The following C8A variants were observed in gnomAD, a reference collection of about 807,000 sequenced individuals.
The protein encoded by C8A is complement C8 alpha chain, also known as complement component C8 alpha chain.
Under a neutral mutation model 65.3 loss-of-function variants are expected in C8A, and 67 were observed. The ratio of observed to expected loss-of-function variants is 1.03; its 90% CI spans 0.84 to 1.26. The LOEUF (loss-of-function observed/expected upper bound fraction) is 1.26, where lower values mean the gene tolerates loss of function less well. Among genes scored for constraint, C8A ranks in the 50% most tolerant of loss-of-function variants. The pLI is 0.00. For missense variants in C8A, 781 were observed against 723.9 expected, an observed-to-expected ratio of 1.08 and a Z score of -0.90; for synonymous variants, 290 against 259.4, an observed-to-expected ratio of 1.12 and a Z score of -1.13.
At chr1:56,913,680 G>A (rs954228815) in intron 10 of C8A, among the ~76,000 whole-genome samples, 1 of 152,178 alleles carries the variant, frequency 6.6e-6, no homozygotes, top group Non-Finnish European at 1.5e-5. Flanking sequence ...TACATAAAAT[G>A]ATGGCAAAAT....
intron 10 of C8A, 25 bp from the exon 11 acceptor site, chr1:56,917,539 TC>T: frequency 6.2e-7 from 1 of 1,613,840 alleles, no homozygotes; most frequent in Admixed American, 1.7e-5. Flanking sequence ...GCTAACCTTC[TC>T]CTCCCTGGGA....
At chr1:56,860,839 C>T (rs1644027035) in intron 1 of C8A, among the ~76,000 whole-genome samples, 1 of 152,188 alleles carries the variant, frequency 6.6e-6, no homozygotes, top group Non-Finnish European at 1.5e-5. Flanking sequence ...AAAGACCGGA[C>T]TGCACTTTGA....
At chr1:56,869,088 T>C (rs1644118608) in intron 2 of C8A, among the ~76,000 whole-genome samples, 1 of 152,182 alleles carries the variant, frequency 6.6e-6, no homozygotes, top group African/African-American at 2.4e-5. Flanking sequence ...AGTTCTTTCG[T>C]GGTGATTTCT....
intron 2 of C8A, 112 bp from the exon 3 acceptor site, chr1:56,874,837 T>G (rs1570322623): frequency 8.5e-7 from 1 of 1,170,330 alleles, no homozygotes. Flanking sequence ...CACAGGCAGG[T>G]CTCAATCATT....
chr1:56,902,698 A>G (rs1644435795), intron 7 of C8A, among the ~76,000 whole-genome samples: 1 of 152,064 alleles, frequency 6.6e-6, no homozygotes, highest in South Asian at 2.1e-4. Flanking sequence ...TTGATTCTAT[A>G]TATCTGACTA....
chr1:56,873,094 C>T (rs1206799840), intron 2 of C8A, among the ~76,000 whole-genome samples: 2 of 152,122 alleles, frequency 1.3e-5, no homozygotes, highest in African/African-American at 4.8e-5. Context: ...CAGGACAGAC[C>T]TATGGACAGG....
Position 56,886,156 on chromosome 1 carries a change from T to TG in C8A, c.1087dup (p.Glu363GlyfsTer23). 6.2e-7 allele frequency: 1 copy of TG among 1,613,874 alleles called. No homozygotes were observed. Among genetic ancestry groups the TG allele is most frequent in the Non-Finnish European group, 8.5e-7 (1 of 1,179,906 alleles). On this transcript the variant is annotated frameshift_variant, in exon 7 of 11. Transcript: ENST00000361249. LOFTEE classifies it high-confidence loss of function. Reference sequence around the variant, plus strand: ...ATCCTGGTGATTGACAAAGCAAAAATGGAATCCCTTGGTAAGTAAAGCAGA... The same window carrying TG: ...ATCCTGGTGATTGACAAAGCAAAAATGGGAATCCCTTGGTAAGTAAAGCAGA...
chr1:56,869,003 G>C (rs1644117758), intron 2 of C8A, among the ~76,000 whole-genome samples: 1 of 152,154 alleles, frequency 6.6e-6, no homozygotes. Context: ...AGGAATTCCA[G>C]ATGTTTTCCT....
At chr1:56,861,846 C>T (rs991804106) in intron 1 of C8A, among the ~76,000 whole-genome samples, 2 of 152,158 alleles carry the variant, frequency 1.3e-5, no homozygotes, top group Admixed American at 6.5e-5. Context: ...ATTGGGATAA[C>T]CCCCTGGTAA....
chr1:56,904,072 G>A (rs921293433), intron 7 of C8A, among the ~76,000 whole-genome samples: 8 of 152,106 alleles, frequency 5.3e-5, no homozygotes, highest in African/African-American at 1.9e-4. Context: ...CACCTATCTG[G>A]GCAAGTTCTT....
chr1:56,890,065 A>G (rs191027943), intron 7 of C8A, among the ~76,000 whole-genome samples: 93 of 152,202 alleles, frequency 6.1e-4, no homozygotes, highest in African/African-American at 2.1e-3. Context: ...TACAAAAGAG[A>G]AATAATGTAT....
intron 1 of C8A, among the ~76,000 whole-genome samples, chr1:56,857,620 T>C (rs1449798735): frequency 1.3e-5 from 2 of 152,068 alleles, no homozygotes; most frequent in South Asian, 2.1e-4. Context: ...AGACCACTTA[T>C]ATCAAATATA....
At chr1:56,877,577 C>G (rs763320251) in intron 4 of C8A, among the ~76,000 whole-genome samples, 3 of 152,166 alleles carry the variant, frequency 2.0e-5, no homozygotes, top group African/African-American at 4.8e-5. Context: ...GGTCTTGTCT[C>G]CTAACTTGAA....
At chr1:56,913,894 T>C (rs1481667447) in intron 10 of C8A, among the ~76,000 whole-genome samples, 1 of 152,188 alleles carries the variant, frequency 6.6e-6, no homozygotes, top group African/African-American at 2.4e-5. Context: ...CAACCATTAG[T>C]CCCAGTTCAC....
intron 6 of C8A, among the ~76,000 whole-genome samples, chr1:56,884,053 A>G (rs1171576483): frequency 1.3e-5 from 2 of 150,752 alleles, no homozygotes; most frequent in African/African-American, 2.5e-5. Flanking sequence ...AAAAAGATAG[A>G]AGGACTGGTA....
chr1:56,911,935 A>T (rs1230173200), intron 9 of C8A, among the ~76,000 whole-genome samples: 2 of 152,198 alleles, frequency 1.3e-5, no homozygotes, highest in Non-Finnish European at 1.5e-5. Flanking sequence ...AATAACTTCT[A>T]AGCCCACTTG....
chr1:56,861,387 G>A (rs1413069411), intron 1 of C8A, among the ~76,000 whole-genome samples: 2 of 152,146 alleles, frequency 1.3e-5, no homozygotes, highest in Non-Finnish European at 2.9e-5. Flanking sequence ...GGACCAAACA[G>A]GAGGAGGAAC....
At chr1:56,855,006 C>G in intron 1 of C8A, 28 bp downstream of exon 1, 4 of 1,563,208 alleles carry the variant, frequency 2.6e-6, no homozygotes, top group Non-Finnish European at 3.5e-6. Flanking sequence ...CTCTGCAAAA[C>G]TTGCACGTAG....
intron 7 of C8A, among the ~76,000 whole-genome samples, chr1:56,903,125 A>T (rs1644438502): frequency 6.6e-6 from 1 of 152,110 alleles, no homozygotes; most frequent in Non-Finnish European, 1.5e-5. Flanking sequence ...TTCCCAGTTC[A>T]GTCTCATTTT....
Sources: gnomAD v4.1 joint callset for allele counts (sites outside exome capture counted in the v4.1 genomes callset) on GRCh38, gnomAD v4.1.1 for gene constraint, MANE v1.5 for transcripts, NCBI Gene and HGNC (gene_info 2026-07-23, HGNC 2026-07-21) for gene names.